The following SEL1L2 variants were observed in gnomAD, a reference collection of about 807,000 sequenced individuals.
The protein encoded by SEL1L2 is protein sel-1 homolog 2.
In SEL1L2, 89 loss-of-function variants were observed where a neutral mutation model predicts 98.8. The ratio of observed to expected loss-of-function variants is 0.90; its 90% CI spans 0.76 to 1.07. SEL1L2 has a LOEUF of 1.07. Ranked by LOEUF, SEL1L2 falls within the 50% of genes least tolerant of loss-of-function variation. The pLI is 0.00. For synonymous variants in SEL1L2, 262 were observed against 278.5 expected (o/e 0.94, Z 0.59); for missense variants, 788 against 812.0 (o/e 0.97, Z 0.36).
At chr20:13,984,168 C>G (rs946149496) in intron 1 of SEL1L2, among the ~76,000 whole-genome samples, 2 of 151,998 alleles carry the variant, frequency 1.3e-5, no homozygotes, top group East Asian at 1.9e-4. Context: ...CATGCCACCA[C>G]GCCTGGCTAA....
intron 2 of SEL1L2, among the ~76,000 whole-genome samples, chr20:13,945,858 T>C (rs186853629): frequency 6.6e-6 from 1 of 152,252 alleles, no homozygotes; most frequent in Non-Finnish European, 1.5e-5. Context: ...TAAATTGATG[T>C]AGAAAAAGAA....
At chr20:13,850,400 A>G in intron 18 of SEL1L2, 81 bp from the exon 19 acceptor site, 1 of 1,490,820 alleles carries the variant, frequency 6.7e-7, no homozygotes, top group Admixed American at 1.7e-5. Flanking sequence ...TATCAAATGT[A>G]ATTAAGGTTA....
Position 13,975,450 on chromosome 20 carries a change from T to G in SEL1L2, c.58+15027A>C, listed in dbSNP as rs531066027. ...CACAGTCCTTTGGAGAATTCAAACT[T>G]AAAATAACAGAGGTAATACAGAGTA... On this transcript the variant is annotated intron_variant, in intron 1 of 19. Transcript: ENST00000284951. 7.2e-5 allele frequency among the ~76,000 whole-genome samples: 11 copies of G among 152,290 alleles called. No homozygotes were observed. The East Asian group carries it at 2.1e-3, about 29-fold the overall frequency.
chr20:13,871,564 T>A (rs1600534358), intron 12 of SEL1L2, among the ~76,000 whole-genome samples: 1 of 151,552 alleles, frequency 6.6e-6, no homozygotes. Flanking sequence ...CAGGCTGGAG[T>A]GCAGTGAGGT....
chr20:13,860,861 A>C (rs6033838), intron 17 of SEL1L2, among the ~76,000 whole-genome samples: 2,399 of 152,188 alleles, frequency 0.016, 55 homozygotes, highest in African/African-American at 0.054. Flanking sequence ...CAAACTTAAA[A>C]TGCCCAACAG....
At chr20:13,933,516 T>C (rs769163520) in intron 2 of SEL1L2, among the ~76,000 whole-genome samples, 1 of 152,184 alleles carries the variant, frequency 6.6e-6, no homozygotes, top group Non-Finnish European at 1.5e-5. Context: ...TAGAATCATA[T>C]AGTATGTGAT....
chr20:13,866,238 G>A lies in SEL1L2; in HGVS notation c.1404+464C>T, dbSNP rs557302926. On this transcript the variant is annotated intron_variant, in intron 15 of 19. Transcript: ENST00000284951. ...TCCTAAAAGCATTCTTTTGGAAAGCGCATCACTGGCTCAGGCTGAAAGAAT... is the reference window on the plus strand; with the variant it reads ...TCCTAAAAGCATTCTTTTGGAAAGCACATCACTGGCTCAGGCTGAAAGAAT... Among the ~76,000 whole-genome samples, 12 of 152,296 alleles carry A rather than the reference G, an allele frequency of 7.9e-5. No homozygotes were observed. In the South Asian group the frequency reaches 1.5e-3, roughly 18 times the overall value.
intron 15 of SEL1L2, 43 bp from the exon 16 acceptor site, chr20:13,865,557 T>G: frequency 6.5e-7 from 1 of 1,538,668 alleles, no homozygotes; most frequent in South Asian, 1.2e-5. Context: ...TTAGCCAGTA[T>G]GCTTCACCCC....
intron 5 of SEL1L2, among the ~76,000 whole-genome samples, chr20:13,903,799 A>G (rs143216469): frequency 0.011 from 1,689 of 152,194 alleles, 23 homozygotes; most frequent in African/African-American, 0.039. Context: ...TGGGCAAAAA[A>G]GTGAGACTCC....
At chr20:13,992,794 C>CA (rs1428823813), upstream of SEL1L2, among the ~76,000 whole-genome samples, 1 of 152,086 alleles carries the variant, frequency 6.6e-6, no homozygotes, top group Non-Finnish European at 1.5e-5. Context: ...TTCCTGCTTG[C>CA]AAGATGGCTA....
intron 3 of SEL1L2, among the ~76,000 whole-genome samples, chr20:13,923,634 G>A: frequency 6.6e-6 from 1 of 152,130 alleles, no homozygotes; most frequent in East Asian, 1.9e-4. Flanking sequence ...CGTGCCTGTA[G>A]TCCCAGCTAT....
In SEL1L2 at chr20:13,859,347, T is replaced by C; in HGVS notation, c.1733A>G (p.Tyr578Cys). Reference protein sequence around the residue: ...KKDYQTAATHYSIAANKYHNA... With the variant: ...KKDYQTAATHCSIAANKYHNA... ...GTGGTATTTGTTGGCTGCAATGCTG[T>C]AGTGTGTGGCTGCTGTTTGATAGTC... is the stretch of plus-strand genomic sequence containing the variant. Residue 578 changes from tyrosine to cysteine, a missense_variant, in exon 18 of 20, where the codon TAC becomes TGC. Tyr to Cys is a radical substitution (Grantham distance 194, BLOSUM62 -2). Transcript: ENST00000284951. 1 of 1,614,160 alleles carries C rather than the reference T, an allele frequency of 6.2e-7. No individual in the cohort carries two copies. Among genetic ancestry groups the C allele is most frequent in the African/African-American group, 1.3e-5 (1 of 75,058 alleles).
At chr20:13,959,160 G>A (rs368431403) in intron 1 of SEL1L2, among the ~76,000 whole-genome samples, 2 of 152,256 alleles carry the variant, frequency 1.3e-5, no homozygotes, top group East Asian at 3.9e-4. Flanking sequence ...TGAGCTGAAC[G>A]AAGATTTGAA....
chr20:13,912,444 G>A (rs1021697606), intron 5 of SEL1L2, among the ~76,000 whole-genome samples: 2 of 152,020 alleles, frequency 1.3e-5, no homozygotes, highest in African/African-American at 4.8e-5. Flanking sequence ...TTACAGGCAT[G>A]TGCCATGACG....
chr20:13,945,003 T>C (rs2148391682), intron 2 of SEL1L2, among the ~76,000 whole-genome samples: 1 of 152,322 alleles, frequency 6.6e-6, no homozygotes, highest in East Asian at 1.9e-4. Flanking sequence ...ACTGGTTGCC[T>C]GATTCTCTTT....
intron 5 of SEL1L2, among the ~76,000 whole-genome samples, chr20:13,898,908 A>G (rs1056244102): frequency 6.6e-6 from 1 of 151,926 alleles, no homozygotes; most frequent in Non-Finnish European, 1.5e-5. Context: ...ATGCCCAGAT[A>G]ATTTTTGTAT....
At chr20:13,970,887 A>C (rs763255026) in intron 1 of SEL1L2, among the ~76,000 whole-genome samples, 3 of 148,800 alleles carry the variant, frequency 2.0e-5, no homozygotes, top group Non-Finnish European at 3.0e-5. Context: ...ATTCCTATAT[A>C]TATTACTATA....
intron 3 of SEL1L2, among the ~76,000 whole-genome samples, chr20:13,926,115 G>A (rs926130200): frequency 3.3e-5 from 5 of 152,266 alleles, no homozygotes; most frequent in East Asian, 1.9e-4. Context: ...TCAGGAGATT[G>A]AGACCATCCT....
intron 10 of SEL1L2, among the ~76,000 whole-genome samples, chr20:13,883,625 G>A (rs1311040140): frequency 6.6e-6 from 1 of 152,224 alleles, no homozygotes; most frequent in Non-Finnish European, 1.5e-5. Context: ...CAGCTGCCTG[G>A]CTGCTACACA....
Sources: gnomAD v4.1 joint callset for allele counts (sites outside exome capture counted in the v4.1 genomes callset) on GRCh38, gnomAD v4.1.1 for gene constraint, MANE v1.5 for transcripts, NCBI Gene and HGNC (gene_info 2026-07-23, HGNC 2026-07-21) for gene names.